The following CAPN13 variants were observed in gnomAD, a reference collection of about 807,000 sequenced individuals.
The protein encoded by CAPN13 is calpain 13, also known as calpain-13.
In CAPN13, 90 loss-of-function variants were observed where a neutral mutation model predicts 98.4. That is an observed-to-expected ratio of 0.92 (90% CI 0.77 to 1.09). The LOEUF (loss-of-function observed/expected upper bound fraction) is 1.09, where lower values mean the gene tolerates loss of function less well. CAPN13 is among the 50% of genes least tolerant of loss of function. The pLI is 0.00. For missense variants in CAPN13, 887 were observed against 841.3 expected (o/e 1.05, Z -0.67); for synonymous variants, 330 against 305.5 (o/e 1.08, Z -0.84).
intron 19 of CAPN13, 47 bp downstream of exon 19, chr2:30,734,402 C>A (rs1470333852): frequency 2.7e-6 from 4 of 1,486,956 alleles, no homozygotes; most frequent in African/African-American, 1.4e-5. Flanking sequence ...GGGCATCACC[C>A]CCCTCCCCGG....
rs201908854 is a variant in CAPN13 at position 30,770,419 on chromosome 2, C to G, written c.418G>C (p.Val140Leu). The change falls in exon 5 of 23, where the codon GTG becomes CTG. Residue 140 changes from valine (V) to leucine (L), a missense_variant. Val to Leu is a conservative substitution (Grantham distance 32, BLOSUM62 1). Coordinates refer to ENST00000295055, the MANE Select transcript of CAPN13 (RefSeq NM_144575.3). ...TGGACAGGTAGGCGGTCATCAATCACCACTTCCACCCACTGGCCACATTGC... is the reference window on the plus strand; with the variant it reads ...TGGACAGGTAGGCGGTCATCAATCAGCACTTCCACCCACTGGCCACATTGC... ...FWQCGQWVEV[V>L]IDDRLPVQGD... 4.6e-4 allele frequency: 747 copies of G among 1,613,876 alleles called. 1 individual carries two copies. The highest frequency in any genetic ancestry group is 5.6e-4 in the Non-Finnish European group (662 of 1,179,880).
At chr2:30,767,695 C>T (rs1673180973) in intron 5 of CAPN13, among the ~76,000 whole-genome samples, 1 of 152,170 alleles carries the variant, frequency 6.6e-6, no homozygotes, top group African/African-American at 2.4e-5. Flanking sequence ...CTGTTTCTGA[C>T]ACTAGAAATG....
At chr2:30,806,739 G>C (rs549128564) in intron 1 of CAPN13, among the ~76,000 whole-genome samples, 1 of 152,318 alleles carries the variant, frequency 6.6e-6, no homozygotes, top group African/African-American at 2.4e-5. Flanking sequence ...GACACCACTA[G>C]AGGCATATAG....
intron 3 of CAPN13, among the ~76,000 whole-genome samples, chr2:30,776,361 T>C (rs907983379): frequency 6.6e-6 from 1 of 152,062 alleles, no homozygotes; most frequent in Non-Finnish European, 1.5e-5. Flanking sequence ...CCTCCACAGC[T>C]GCACCAAGCC....
chr2:30,779,307 G>C (rs1157048551), intron 2 of CAPN13, among the ~76,000 whole-genome samples: 1 of 152,206 alleles, frequency 6.6e-6, no homozygotes, highest in African/African-American at 2.4e-5. Context: ...TTGAGACCTT[G>C]AACAATTCCC....
chr2:30,781,022 G>A (rs753044068), intron 2 of CAPN13, among the ~76,000 whole-genome samples: 10 of 152,226 alleles, frequency 6.6e-5, no homozygotes, highest in African/African-American at 1.4e-4. Context: ...GTCTCCAGCC[G>A]ACTGTGAATC....
intron 7 of CAPN13, among the ~76,000 whole-genome samples, chr2:30,761,448 T>G (rs1672845908): frequency 6.6e-6 from 1 of 152,202 alleles, no homozygotes; most frequent in African/African-American, 2.4e-5. Flanking sequence ...GGTGTTCACA[T>G]AGCTGCTCTG....
intron 5 of CAPN13, among the ~76,000 whole-genome samples, chr2:30,768,498 C>G (rs1217349279): frequency 6.6e-6 from 1 of 152,198 alleles, no homozygotes; most frequent in African/African-American, 2.4e-5. Context: ...GCAGCCAAAC[C>G]AACGCCAGAG....
rs1670913883 is a variant in CAPN13, at chr2:30,727,850, T to C, written c.*30+2880A>G. Among the ~76,000 whole-genome samples the C allele has an allele frequency of 2.0e-5, 3 of 152,026 alleles. No homozygotes were observed. In the South Asian group the frequency reaches 6.2e-4, roughly 32 times the overall value. On this transcript the variant is annotated intron_variant, in intron 22 of 22. Coordinates refer to ENST00000295055, the MANE Select transcript of CAPN13 (RefSeq NM_144575.3). The stretch of plus-strand genomic sequence containing the variant: ...AAACATATGTCCCCCCAAAAACCTG[T>C]GCACAAACATTCATAGCAGGATTAT...
chr2:30,733,793 T>C (rs1369039812), intron 19 of CAPN13, among the ~76,000 whole-genome samples: 1 of 152,202 alleles, frequency 6.6e-6, no homozygotes, highest in African/African-American at 2.4e-5. Flanking sequence ...GATTTTACAT[T>C]TTATTAAAGG....
At chr2:30,738,564 A>C in intron 15 of CAPN13, 107 bp from the exon 16 acceptor site, 1 of 1,179,366 alleles carries the variant, frequency 8.5e-7, no homozygotes, top group South Asian at 1.3e-5. Flanking sequence ...CTTAGTCCCC[A>C]CAATGTACCC....
intron 12 of CAPN13, among the ~76,000 whole-genome samples, chr2:30,744,674 T>A (rs765383522): frequency 6.6e-6 from 1 of 152,196 alleles, no homozygotes; most frequent in Non-Finnish European, 1.5e-5. Flanking sequence ...TCCAGGCTCC[T>A]GATCCTTCAG....
rs1674351534 is a variant in CAPN13, at chr2:30,787,434, GCACTCTGATATAC to G, written c.-32-90_-32-78del. The G allele has an allele frequency of 1.8e-5, 20 of 1,111,456 alleles. No homozygotes were observed. In the South Asian group the frequency reaches 3.0e-4, roughly 17 times the overall value. The allele number at this position is 1,111,456 out of a possible 1,614,324, so 68.8% of individuals were successfully genotyped here. ...ATCATCAAATGTGAGCCCCAGATGG[GCACTCTGATATAC>G]CACCCTTTACAGGGACTGAGACTAA... On this transcript the variant is annotated intron_variant, in intron 1 of 22. Transcript: ENST00000295055.
At chr2:30,730,960 G>A (rs945037058) in intron 21 of CAPN13, among the ~76,000 whole-genome samples, 174 bp from the exon 22 acceptor site, 9 of 152,134 alleles carry the variant, frequency 5.9e-5, no homozygotes, top group African/African-American at 2.2e-4. Context: ...CACATCTTCT[G>A]CTACTCCCTG....
chr2:30,739,741 A>G (rs1558614534), intron 15 of CAPN13, among the ~76,000 whole-genome samples: 1 of 152,148 alleles, frequency 6.6e-6, no homozygotes, highest in Non-Finnish European at 1.5e-5. Flanking sequence ...GTGAGGACAG[A>G]GCCTGCCCCG....
chr2:30,794,059 A>G (rs1476881961), intron 1 of CAPN13, among the ~76,000 whole-genome samples: 2 of 151,830 alleles, frequency 1.3e-5, no homozygotes, highest in African/African-American at 4.8e-5. Flanking sequence ...AAGAAAAAAA[A>G]TTGATAAATT....
chr2:30,743,927 C>T (rs1042419587), intron 12 of CAPN13, among the ~76,000 whole-genome samples: 3 of 152,158 alleles, frequency 2.0e-5, no homozygotes, highest in African/African-American at 7.2e-5. Flanking sequence ...TCTTCTGGGG[C>T]CCCTAAAGCC....
intron 2 of CAPN13, among the ~76,000 whole-genome samples, chr2:30,781,802 T>C (rs984895802): frequency 6.6e-6 from 1 of 152,142 alleles, no homozygotes; most frequent in Non-Finnish European, 1.5e-5. Flanking sequence ...CATAAATATA[T>C]CAATAGGATA....
intron 15 of CAPN13, 149 bp from the exon 16 acceptor site, chr2:30,738,606 G>T: frequency 1.3e-6 from 1 of 796,006 alleles, no homozygotes; most frequent in South Asian, 1.6e-5. Flanking sequence ...CTTACCTGAT[G>T]GCTGCCAGCC....
Sources: gnomAD v4.1 joint callset for allele counts (sites outside exome capture counted in the v4.1 genomes callset) on GRCh38, gnomAD v4.1.1 for gene constraint, MANE v1.5 for transcripts, NCBI Gene and HGNC (gene_info 2026-07-23, HGNC 2026-07-21) for gene names.